USP48: variants seen among roughly 807,000 people sequenced by gnomAD.
USP48 encodes ubiquitin specific peptidase 48.
USP48 carries 43 observed loss-of-function variants against 150.7 expected under a neutral mutation model. The ratio of observed to expected loss-of-function variants is 0.29; its 90% CI spans 0.22 to 0.37. The LOEUF (loss-of-function observed/expected upper bound fraction) is 0.37, where lower values mean the gene tolerates loss of function less well. Among genes scored for constraint, USP48 ranks in the 10% least tolerant of loss-of-function variants. USP48 has a pLI of 1.00. For synonymous variants in USP48, 396 were observed against 425.9 expected (o/e 0.93, Z 0.86); for missense variants, 813 against 1,249.6 (o/e 0.65, Z 5.27).
At chr1:21,705,886 G>A in intron 18 of USP48, 49 bp from the exon 19 acceptor site, 6 of 1,393,480 alleles carry the variant, frequency 4.3e-6, no homozygotes, top group African/African-American at 1.5e-5. Context: ...ACTGCATGAC[G>A]AAAGAGAAGA....
intron 9 of USP48, among the ~76,000 whole-genome samples, chr1:21,735,648 G>T (rs558817998): frequency 6.6e-6 from 1 of 152,200 alleles, no homozygotes. Flanking sequence ...CAGCACCTTG[G>T]GGGGCCAAGG....
intron 1 of USP48, among the ~76,000 whole-genome samples, chr1:21,769,259 C>T (rs898101574): frequency 4.6e-5 from 7 of 152,000 alleles, no homozygotes; most frequent in Admixed American, 2.0e-4. Context: ...AGAAATAACA[C>T]AGGAGAATAT....
In USP48 at chr1:21,679,114, C is replaced by T; in HGVS notation, c.*303G>A. Reference sequence around the variant, plus strand: ...ATTCCCCTCCCACGACTATAAATCTCATATGTAAACATGATTTACTATTAC... The same window carrying T: ...ATTCCCCTCCCACGACTATAAATCTTATATGTAAACATGATTTACTATTAC... On this transcript the variant is annotated 3_prime_UTR_variant, in exon 27 of 27. Transcript: ENST00000308271. The T allele has an allele frequency of 2.1e-6, 1 of 472,564 alleles. No homozygotes were observed. Among genetic ancestry groups the T allele is most frequent in the Non-Finnish European group, 3.8e-6 (1 of 260,840 alleles). The allele number at this position is 472,564 out of a possible 1,614,324, so 29.3% of individuals were successfully genotyped here.
intron 17 of USP48, 49 bp downstream of exon 17, chr1:21,706,418 G>C: frequency 6.2e-7 from 1 of 1,610,770 alleles, no homozygotes; most frequent in Non-Finnish European, 8.5e-7. Context: ...ATTTGGCAAG[G>C]GCTTTAAAAA....
chr1:21,734,394 G>C (rs2097764014), intron 9 of USP48, among the ~76,000 whole-genome samples: 1 of 151,982 alleles, frequency 6.6e-6, no homozygotes, highest in Non-Finnish European at 1.5e-5. Flanking sequence ...GCAAGACTCT[G>C]TCTCAAAAAA....
chr1:21,739,499 A>G (rs2097776206), intron 8 of USP48, among the ~76,000 whole-genome samples: 1 of 149,620 alleles, frequency 6.7e-6, no homozygotes, highest in Admixed American at 6.7e-5. Context: ...GGCCTGGAAA[A>G]CAAGGCAAGA....
At chr1:21,757,312 C>G (rs1391749495) in intron 2 of USP48, 1 of 166,038 alleles carries the variant, frequency 6.0e-6, no homozygotes, top group Non-Finnish European at 1.3e-5. Context: ...AATACAAGCC[C>G]TAGAAAGCAA....
At chr1:21,715,899 C>T (rs1368904164) in intron 14 of USP48, among the ~76,000 whole-genome samples, 1 of 152,180 alleles carries the variant, frequency 6.6e-6, no homozygotes, top group East Asian at 1.9e-4. Flanking sequence ...GAGTACTCCC[C>T]GCTGATCAGT....
At chr1:21,719,815 C>A (rs2097715101) in intron 14 of USP48, among the ~76,000 whole-genome samples, 2 of 151,998 alleles carry the variant, frequency 1.3e-5, no homozygotes, top group African/African-American at 4.8e-5. Context: ...TGCAGTGAGG[C>A]GGAGATTGCA....
At chr1:21,738,833 C>T (rs1362953991) in intron 8 of USP48, among the ~76,000 whole-genome samples, 1 of 152,082 alleles carries the variant, frequency 6.6e-6, no homozygotes, top group Non-Finnish European at 1.5e-5. Flanking sequence ...AAGGATACAG[C>T]AGTTAATTAA....
At chr1:21,719,971 A>G (rs1340047375) in intron 14 of USP48, among the ~76,000 whole-genome samples, 4 of 152,248 alleles carry the variant, frequency 2.6e-5, no homozygotes, top group African/African-American at 9.6e-5. Context: ...GAAAATACAG[A>G]ATATTTCAAT....
intron 15 of USP48, among the ~76,000 whole-genome samples, chr1:21,708,399 G>A (rs2097679454): frequency 6.6e-6 from 1 of 152,096 alleles, no homozygotes; most frequent in African/African-American, 2.4e-5. Flanking sequence ...TCAGGAGGCT[G>A]AGGCAGAAGA....
chr1:21,697,312 A>G (rs2097637468), intron 22 of USP48, among the ~76,000 whole-genome samples: 1 of 152,022 alleles, frequency 6.6e-6, no homozygotes, highest in Admixed American at 6.6e-5. Flanking sequence ...CATGTGAGTT[A>G]AAAAGAAAAA....
chr1:21,684,836 CA>C (rs1333760303), intron 25 of USP48, among the ~76,000 whole-genome samples: 2 of 152,130 alleles, frequency 1.3e-5, no homozygotes, highest in Non-Finnish European at 2.9e-5. Flanking sequence ...GTGCCTTTGT[CA>C]TAAATTAGTT....
At chr1:21,696,739 T>C (rs996112089) in intron 22 of USP48, among the ~76,000 whole-genome samples, 2 of 152,104 alleles carry the variant, frequency 1.3e-5, no homozygotes, top group African/African-American at 2.4e-5. Context: ...TGGGTGTGCA[T>C]GATACATGCG....
rs77057716 is a variant in USP48, at chr1:21,744,116, G to A, written c.991+2951C>T. On this transcript the variant is annotated intron_variant, in intron 8 of 26. Transcript: ENST00000308271. Reference sequence around the variant, plus strand: ...ACATTACCATTCTTGCAGATAACCTGGATTTATATTCATCAATTCATTGAA... The same window carrying A: ...ACATTACCATTCTTGCAGATAACCTAGATTTATATTCATCAATTCATTGAA... Among the ~76,000 whole-genome samples the A allele has an allele frequency of 7.1e-3, 1,074 of 152,176 alleles. 11 individuals are homozygous for A. The highest frequency in any genetic ancestry group is 0.024 in the African/African-American group (1,012 of 41,496).
Position 21,724,011 on chromosome 1 carries a change from C to T in USP48, c.1535G>A (p.Cys512Tyr). ...TPTKPIDNHA[C>Y]LCSHDKLHPD... Reference sequence around the variant, plus strand: ...GTGAAGCTTGTCATGGGAACACAGGCAAGCGTGATTATCAATAGGTTTGGT... The same window carrying T: ...GTGAAGCTTGTCATGGGAACACAGGTAAGCGTGATTATCAATAGGTTTGGT... Residue 512 changes from cysteine (C) to tyrosine (Y), a missense_variant, in exon 12 of 27, where the codon TGC (cysteine) becomes TAC (tyrosine). Physicochemically the swap from Cys to Tyr is radical, Grantham distance 194 (BLOSUM62 -2). Coordinates refer to ENST00000308271, the MANE Select transcript of USP48 (RefSeq NM_032236.8). 6.2e-7 allele frequency: 1 copy of T among 1,614,160 alleles called. No homozygotes were observed. The highest frequency in any genetic ancestry group is 8.5e-7 in the Non-Finnish European group (1 of 1,180,034).
chr1:21,691,087 G>T (rs191560280), intron 23 of USP48, among the ~76,000 whole-genome samples: 190 of 152,220 alleles, frequency 1.2e-3, no homozygotes, highest in Non-Finnish European at 2.2e-3. Flanking sequence ...GGCCGAGGTG[G>T]ACGGATCACC....
In USP48 at chr1:21,707,479, C is replaced by T. The variant is rs762199337; in HGVS notation, c.1964-611G>A. ...CTCCAGTCAAGCACCAACTTCTTTG[C>T]TATTTGCAATTTATTTTGAAGATCC... is the stretch of plus-strand genomic sequence containing the variant. On this transcript the variant is annotated intron_variant, in intron 15 of 26. Coordinates refer to ENST00000308271, the MANE Select transcript of USP48 (RefSeq NM_032236.8). Among the ~76,000 whole-genome samples, 5 of 152,302 alleles carry T rather than the reference C, an allele frequency of 3.3e-5. No individual in the cohort carries two copies. In the South Asian group the frequency reaches 8.3e-4, roughly 25 times the overall value.
Sources: gnomAD v4.1 joint callset for allele counts (sites outside exome capture counted in the v4.1 genomes callset) on GRCh38, gnomAD v4.1.1 for gene constraint, MANE v1.5 for transcripts, NCBI Gene and HGNC (gene_info 2026-07-23, HGNC 2026-07-21) for gene names.